The following OXR1 variants were observed in gnomAD, a reference collection of about 807,000 sequenced individuals.
OXR1 encodes the protein oxidation resistance 1.
A neutral mutation model predicts 104.6 loss-of-function variants in OXR1; 41 were observed. That is an observed-to-expected ratio of 0.39 (90% confidence interval 0.31 to 0.51). The LOEUF (loss-of-function observed/expected upper bound fraction) is 0.51, where lower values mean the gene tolerates loss of function less well. Ranked by LOEUF, OXR1 falls within the 20% of genes least tolerant of loss-of-function variation. The pLI is 0.77. For synonymous variants in OXR1, 348 were observed against 348.4 expected (o/e 1.00, Z 0.01); for missense variants, 955 against 1,031.9 (o/e 0.93, Z 1.02).
chr8:106,512,106 T>A (rs1000629427), intron 2 of OXR1, among the ~76,000 whole-genome samples: 8 of 152,208 alleles, frequency 5.3e-5, no homozygotes, highest in African/African-American at 1.9e-4. Context: ...AATCTTCATG[T>A]CAATTTTATG....
chr8:106,687,889 G>A (rs980315672), intron 6 of OXR1, among the ~76,000 whole-genome samples: 5 of 152,048 alleles, frequency 3.3e-5, no homozygotes, highest in African/African-American at 1.2e-4. Context: ...GCTTGGTTCG[G>A]AGCCCATATT....
intron 2 of OXR1, among the ~76,000 whole-genome samples, chr8:106,503,111 T>C (rs1447561058): frequency 1.3e-5 from 2 of 152,068 alleles, no homozygotes; most frequent in Non-Finnish European, 2.9e-5. Flanking sequence ...TCAATAATCC[T>C]TCAATGAATA....
chr8:106,312,712 A>G (rs1813760900), intron 1 of OXR1, among the ~76,000 whole-genome samples: 1 of 152,194 alleles, frequency 6.6e-6, no homozygotes, highest in Admixed American at 6.5e-5. Context: ...AAAATAACAA[A>G]TGTCAGTTTT....
chr8:106,603,755 T>TA (rs1287130257), intron 3 of OXR1, among the ~76,000 whole-genome samples: 3 of 152,130 alleles, frequency 2.0e-5, no homozygotes, highest in African/African-American at 7.2e-5. Context: ...AAAATTGCTT[T>TA]AAAAATCAAG....
intron 2 of OXR1, among the ~76,000 whole-genome samples, chr8:106,428,129 A>C (rs992483268): frequency 2.6e-5 from 4 of 152,172 alleles, no homozygotes; most frequent in Non-Finnish European, 5.9e-5. Context: ...TATTTTCCTC[A>C]CATAAGAAGA....
chr8:106,362,832 T>C (rs902768881), intron 2 of OXR1, among the ~76,000 whole-genome samples: 2 of 152,196 alleles, frequency 1.3e-5, no homozygotes, highest in African/African-American at 4.8e-5. Flanking sequence ...CTGGTCAGCA[T>C]ATGTACAGTA....
intron 3 of OXR1, among the ~76,000 whole-genome samples, chr8:106,644,122 A>G (rs1823882405): frequency 6.6e-6 from 1 of 152,240 alleles, no homozygotes; most frequent in Non-Finnish European, 1.5e-5. Flanking sequence ...GGGAGGATAA[A>G]TGATCGACAG....
At chr8:106,399,820 TCAGA>T (rs1262129001) in intron 2 of OXR1, among the ~76,000 whole-genome samples, 3 of 152,188 alleles carry the variant, frequency 2.0e-5, no homozygotes, top group Non-Finnish European at 4.4e-5. Flanking sequence ...AGGTTTGAAC[TCAGA>T]CAGTCTGATT....
chr8:106,479,193 A>C (rs1333339506), intron 2 of OXR1, among the ~76,000 whole-genome samples: 1 of 151,930 alleles, frequency 6.6e-6, no homozygotes, highest in Non-Finnish European at 1.5e-5. Flanking sequence ...TATTGGCCTA[A>C]ATATTTAGAA....
chr8:106,564,180 C>A (rs1403407388), intron 3 of OXR1, among the ~76,000 whole-genome samples: 2 of 152,010 alleles, frequency 1.3e-5, no homozygotes, highest in African/African-American at 2.4e-5. Context: ...TTCAAAAAAT[C>A]AATGAATCCA....
chr8:106,365,719 C>A (rs1193074050), intron 2 of OXR1, among the ~76,000 whole-genome samples: 4 of 152,050 alleles, frequency 2.6e-5, no homozygotes, highest in Non-Finnish European at 5.9e-5. Context: ...AGCTATGTGC[C>A]TTTAGAATAA....
Position 106,583,283 on chromosome 8 carries a change from C to T in OXR1, c.220+64144C>T, listed in dbSNP as rs547083788. On this transcript the variant is annotated intron_variant, in intron 3 of 16. Transcript: ENST00000517566. ...CAAGCCTATTAAACTTCTTTAAATA[C>T]TTCAAGCTAAATTACAAATTTATAT... Among the ~76,000 whole-genome samples the T allele has an allele frequency of 2.6e-5, 4 of 152,252 alleles. No individual in the cohort carries two copies. The East Asian group carries it at 7.7e-4, about 29-fold the overall frequency.
chr8:106,543,355 A>G (rs1474088484), intron 3 of OXR1, among the ~76,000 whole-genome samples: 1 of 152,050 alleles, frequency 6.6e-6, no homozygotes, highest in Non-Finnish European at 1.5e-5. Flanking sequence ...TTAGAGGTTA[A>G]TGATTCTGAA....
At chr8:106,686,825 T>C (rs760172204) in intron 6 of OXR1, among the ~76,000 whole-genome samples, 36 of 152,218 alleles carry the variant, frequency 2.4e-4, no homozygotes, top group Non-Finnish European at 4.6e-4. Context: ...ATTTTGAGAA[T>C]TTCCATGGAA....
intron 3 of OXR1, among the ~76,000 whole-genome samples, chr8:106,591,501 AATT>A (rs1172144146): frequency 2.6e-5 from 4 of 152,160 alleles, no homozygotes; most frequent in African/African-American, 9.7e-5. Flanking sequence ...AGGAAAGAAA[AATT>A]ATTAAAAAAT....
At chr8:106,451,992 G>T (rs1202240440) in intron 2 of OXR1, among the ~76,000 whole-genome samples, 1 of 152,164 alleles carries the variant, frequency 6.6e-6, no homozygotes, top group Non-Finnish European at 1.5e-5. Context: ...GGGAGCGGGA[G>T]CATATTTGAC....
intron 1 of OXR1, among the ~76,000 whole-genome samples, chr8:106,315,896 C>CT (rs1813912764): frequency 1.3e-5 from 2 of 152,108 alleles, no homozygotes; most frequent in South Asian, 2.1e-4. Flanking sequence ...TCAGAAAACA[C>CT]TTTTTTCACG....
At chr8:106,701,062 T>C (rs1830547199) in intron 7 of OXR1, among the ~76,000 whole-genome samples, 1 of 152,212 alleles carries the variant, frequency 6.6e-6, no homozygotes, top group Admixed American at 6.5e-5. Context: ...CAATGTACTT[T>C]ACCATCTCTC....
chr8:106,741,737 A>G (rs574197076), intron 14 of OXR1, among the ~76,000 whole-genome samples: 7 of 152,232 alleles, frequency 4.6e-5, no homozygotes, highest in Non-Finnish European at 1.5e-5. Flanking sequence ...GATCATGCAC[A>G]GGGTTAAAGG....
Sources: allele counts gnomAD v4.1 joint callset (sites outside exome capture counted in the v4.1 genomes callset), GRCh38; gene constraint gnomAD v4.1.1; transcripts MANE v1.5; gene names NCBI Gene and HGNC (gene_info 2026-07-23, HGNC 2026-07-21).